The following FAM222A variants were observed in gnomAD, a reference collection of about 807,000 sequenced individuals.
FAM222A encodes family with sequence similarity 222 member A.
FAM222A carries 7 observed loss-of-function variants against 25.8 expected under a neutral mutation model. The ratio of observed to expected loss-of-function variants is 0.27; its 90% confidence interval spans 0.15 to 0.51. FAM222A has a LOEUF of 0.51. FAM222A is among the 20% of genes least tolerant of loss of function. The probability of loss-of-function intolerance (pLI) is 0.97; values close to 1 mark genes in which losing one functional copy is unlikely to be tolerated. For synonymous variants in FAM222A, 294 were observed against 298.8 expected (o/e 0.98, Z 0.17); for missense variants, 573 against 640.5 (o/e 0.89, Z 1.14).
chr12:109,733,655 G>A (rs961537082), intron 1 of FAM222A, among the ~76,000 whole-genome samples: 3 of 152,016 alleles, frequency 2.0e-5, no homozygotes, highest in Admixed American at 6.6e-5. Flanking sequence ...TGCCCATCTC[G>A]GCCTCCCAAA....
At chr12:109,728,961 T>G (rs1592780245) in intron 1 of FAM222A, among the ~76,000 whole-genome samples, 1 of 121,728 alleles carries the variant, frequency 8.2e-6, no homozygotes. Flanking sequence ...GGCAAGGCAG[T>G]GGGGTTACAG....
At chr12:109,762,867 C>T (rs1269620096) in intron 2 of FAM222A, among the ~76,000 whole-genome samples, 1 of 152,098 alleles carries the variant, frequency 6.6e-6, no homozygotes, top group Non-Finnish European at 1.5e-5. Flanking sequence ...GGCCAGGCTT[C>T]AGACAGGGAC....
intron 1 of FAM222A, among the ~76,000 whole-genome samples, chr12:109,724,577 C>T (rs1443049820): frequency 6.6e-6 from 1 of 152,192 alleles, no homozygotes; most frequent in Non-Finnish European, 1.5e-5. Flanking sequence ...CCGGGGCCTG[C>T]GTGAGCTTCT....
chr12:109,750,139 CTTTGT>C (rs1364736114), intron 2 of FAM222A, among the ~76,000 whole-genome samples: 3 of 152,142 alleles, frequency 2.0e-5, no homozygotes, highest in Middle Eastern at 3.2e-3. Flanking sequence ...GTGTTCTCTG[CTTTGT>C]TTTGTGTACC....
At chr12:109,741,223 C>T (rs1313304819) in intron 1 of FAM222A, among the ~76,000 whole-genome samples, 1 of 152,158 alleles carries the variant, frequency 6.6e-6, no homozygotes, top group East Asian at 1.9e-4. Flanking sequence ...ACACAGGGTT[C>T]CTGGGAGAAT....
At position 109,769,502 on chromosome 12, in the gene FAM222A, C is replaced by T; in HGVS notation, c.*214C>T. 1 of 611,044 alleles carries T rather than the reference C, an allele frequency of 1.6e-6. No homozygotes were observed. The highest frequency in any genetic ancestry group is 2.8e-6 in the Non-Finnish European group (1 of 353,248). The allele number at this position is 611,044 out of a possible 1,614,324, so 37.9% of individuals were successfully genotyped here. ...GGCCCCTCCCCACCATCGGTTGCCC[C>T]AGGACACAGTGAGGGCCTGGGGGCA... On this transcript the variant is annotated 3_prime_UTR_variant, in exon 3 of 3. Coordinates refer to ENST00000538780, the MANE Select transcript of FAM222A (RefSeq NM_032829.3).
At position 109,768,370 on chromosome 12, in the gene FAM222A, C is replaced by T. The variant is rs927090654; in HGVS notation, c.441C>T (p.Pro147=). Residue 147 remains proline, a synonymous_variant, in exon 3 of 3, where the codon CCC becomes CCT. Coordinates refer to ENST00000538780, the MANE Select transcript of FAM222A (RefSeq NM_032829.3). Reference sequence around the variant, plus strand: ...CCGCCGTGCAGGTGGGCATTGCGCCCTACCCAGTGCCCAGCACTCTGGGTC... The same window carrying T: ...CCGCCGTGCAGGTGGGCATTGCGCCTTACCCAGTGCCCAGCACTCTGGGTC... ...SPAAVQVGIA[P]YPVPSTLGPL... 3.1e-6 allele frequency: 5 copies of T among 1,596,898 alleles called. No homozygotes were observed. Among genetic ancestry groups the T allele is most frequent in the Non-Finnish European group, 3.4e-6 (4 of 1,176,250 alleles).
intron 1 of FAM222A, among the ~76,000 whole-genome samples, chr12:109,727,213 T>G (rs962755334): frequency 1.3e-5 from 2 of 152,006 alleles, no homozygotes; most frequent in African/African-American, 4.8e-5. Flanking sequence ...TTGTGTGAGC[T>G]TGAGCCGGGC....
rs1889113832 is a variant in FAM222A, at chr12:109,768,153, T to G, written c.224T>G (p.Leu75Arg). 6.2e-7 allele frequency: 1 copy of G among 1,613,874 alleles called. No homozygotes were observed. Among genetic ancestry groups the G allele is most frequent in the African/African-American group, 1.3e-5 (1 of 75,036 alleles). The part of the protein sequence containing the change: ...TNIRVPQHKH[L>R]SRTVNGYDTS... Reference sequence around the variant, plus strand: ...ATCCGTGTGCCCCAGCACAAGCACCTCAGCCGCACAGTCAATGGCTATGAC... The same window carrying G: ...ATCCGTGTGCCCCAGCACAAGCACCGCAGCCGCACAGTCAATGGCTATGAC... The change falls in exon 3 of 3, where the codon CTC becomes CGC. Residue 75 changes from leucine to arginine, a missense_variant. Physicochemically the swap from Leu to Arg is moderately radical, Grantham distance 102. This residue lies in a region of FAM222A where 112 missense variants were observed against 154.6 expected (regional missense o/e 0.72). Coordinates refer to ENST00000538780, the MANE Select transcript of FAM222A (RefSeq NM_032829.3).
intron 2 of FAM222A, among the ~76,000 whole-genome samples, chr12:109,752,934 G>A (rs1284657780): frequency 6.6e-6 from 1 of 152,188 alleles, no homozygotes; most frequent in Non-Finnish European, 1.5e-5. Context: ...GCGGCAGGCT[G>A]TCGTGGCCTG....
At chr12:109,754,393 C>A (rs1040149755) in intron 2 of FAM222A, among the ~76,000 whole-genome samples, 1 of 152,048 alleles carries the variant, frequency 6.6e-6, no homozygotes, top group Non-Finnish European at 1.5e-5. Context: ...AAAAGAAAAC[C>A]CAAGAGAATA....
chr12:109,718,508 G>T (rs1045734278), intron 1 of FAM222A, among the ~76,000 whole-genome samples: 1 of 152,166 alleles, frequency 6.6e-6, no homozygotes, highest in Non-Finnish European at 1.5e-5. Flanking sequence ...GGGCGGGGGT[G>T]AGAACGAGGA....
intron 2 of FAM222A, among the ~76,000 whole-genome samples, chr12:109,754,465 G>A (rs1888654702): frequency 6.6e-6 from 1 of 152,114 alleles, no homozygotes; most frequent in Non-Finnish European, 1.5e-5. Context: ...GCAGAGGTTG[G>A]CAAACATTTT....
chr12:109,717,603 G>C (rs935718892), intron 1 of FAM222A, among the ~76,000 whole-genome samples: 1 of 152,348 alleles, frequency 6.6e-6, no homozygotes, highest in East Asian at 1.9e-4. Flanking sequence ...GATGGGGAAA[G>C]GGGCAGCCGT....
chr12:109,722,656 C>G (rs530055415), intron 1 of FAM222A: 1 of 152,300 alleles, frequency 6.6e-6, no homozygotes, highest in African/African-American at 2.4e-5. Flanking sequence ...TTCCCCTTCA[C>G]CACTCCCCTA....
intron 2 of FAM222A, among the ~76,000 whole-genome samples, chr12:109,745,020 T>C (rs1166215029): frequency 6.6e-6 from 1 of 152,010 alleles, no homozygotes; most frequent in African/African-American, 2.4e-5. Flanking sequence ...AATGTGAAAA[T>C]ATTTTTTTTC....
At chr12:109,715,471 C>T (rs772951013) in intron 1 of FAM222A, among the ~76,000 whole-genome samples, 5 of 152,182 alleles carry the variant, frequency 3.3e-5, no homozygotes, top group African/African-American at 4.8e-5. Context: ...CCTCTGATGT[C>T]ACTGGGGTTG....
intron 1 of FAM222A, among the ~76,000 whole-genome samples, chr12:109,742,592 A>ACT (rs150221025): frequency 0.058 from 8,244 of 141,052 alleles, 417 homozygotes; most frequent in African/African-American, 0.15. Flanking sequence ...TCCATCCTCC[A>ACT]CTCTCTCTCT....
At chr12:109,748,334 C>CT (rs61492433) in intron 2 of FAM222A, among the ~76,000 whole-genome samples, 20,320 of 80,556 alleles carry the variant, frequency 0.25, 1,835 homozygotes, top group East Asian at 0.34. Flanking sequence ...GGTTTTCTTT[C>CT]TTTTTTTTTT....
Sources: allele counts gnomAD v4.1 joint callset (sites outside exome capture counted in the v4.1 genomes callset), GRCh38; gene constraint gnomAD v4.1.1; regional missense constraint gnomAD v4.1.1; transcripts MANE v1.5; gene names NCBI Gene and HGNC (gene_info 2026-07-23, HGNC 2026-07-21).